Variants in PSMA1 observed in about 807,000 individuals in gnomAD.
The protein encoded by PSMA1 is proteasome 20S subunit alpha 1.
PSMA1 carries 3 observed loss-of-function variants against 38.4 expected under a neutral mutation model. That is an observed-to-expected ratio of 0.08 (90% CI 0.04 to 0.20). The LOEUF is 0.20. PSMA1 is among the 10% of genes least tolerant of loss of function. The pLI, the probability that PSMA1 is intolerant of heterozygous loss-of-function variation, is 1.00. For synonymous variants in PSMA1, 101 were observed against 107.1 expected (o/e 0.94, Z 0.35); for missense variants, 227 against 325.3 (o/e 0.70, Z 2.32).
In PSMA1 at chr11:14,634,196, C is replaced by G. The variant is rs193121060; in HGVS notation, c.-166+9259G>C. ...TAGTTTCATCCCAAAATCATCCCCC[C>G]CGGTCTGTGGAAAATTGTCTTCCAC... On this transcript the variant is annotated intron_variant, in intron 1 of 10. Transcript: ENST00000418988. Among the ~76,000 whole-genome samples, 623 of 152,298 alleles carry G rather than the reference C, an allele frequency of 4.1e-3. 2 individuals are homozygous for G. The highest frequency in any genetic ancestry group is 6.7e-3 in the Non-Finnish European group (456 of 68,012).
intron 2 of PSMA1, among the ~76,000 whole-genome samples, chr11:14,593,502 T>C (rs187612745): frequency 1.3e-4 from 20 of 152,114 alleles, no homozygotes; most frequent in African/African-American, 4.3e-4. Flanking sequence ...TCAAGGCATG[T>C]CACCTAACAT....
chr11:14,632,642 G>A (rs1333768618), intron 1 of PSMA1, among the ~76,000 whole-genome samples: 221 of 150,212 alleles, frequency 1.5e-3, no homozygotes, highest in Middle Eastern at 6.8e-3. Flanking sequence ...ACAATTATGT[G>A]TCTTGGAGTT....
rs1432238481 is a variant in PSMA1 at position 14,595,973 on chromosome 11, T to G, written c.21+14993A>C. Among the ~76,000 whole-genome samples, 3 of 152,246 alleles carry G rather than the reference T, an allele frequency of 2.0e-5. 1 individual carries two copies. The highest frequency in any genetic ancestry group is 4.8e-5 in the African/African-American group (2 of 41,468). On this transcript the variant is annotated intron_variant, in intron 2 of 10. Transcript: ENST00000418988. ...GCTTTCTATATATGGCTAGCCAGTT[T>G]TCCCAGCACCATTTATGAAATAGAG...
chr11:14,604,087 TGA>T (rs888083746), intron 2 of PSMA1, among the ~76,000 whole-genome samples: 1 of 152,228 alleles, frequency 6.6e-6, no homozygotes, highest in Non-Finnish European at 1.5e-5. Context: ...TCCAGTAAGC[TGA>T]GAGAGGTAGA....
At chr11:14,589,486 T>C (rs1590001391) in intron 2 of PSMA1, among the ~76,000 whole-genome samples, 1 of 151,362 alleles carries the variant, frequency 6.6e-6, no homozygotes, top group East Asian at 1.9e-4. Flanking sequence ...CAGTAGAAGG[T>C]GACTTACTGG....
chr11:14,619,210 A>AG (rs1292476689), intron 1 of PSMA1, among the ~76,000 whole-genome samples: 1 of 152,176 alleles, frequency 6.6e-6, no homozygotes, highest in Non-Finnish European at 1.5e-5. Context: ...GCACTTTGGG[A>AG]GGCGGAGGCA....
At chr11:14,596,147 G>C (rs957545366) in intron 2 of PSMA1, among the ~76,000 whole-genome samples, 19 of 152,024 alleles carry the variant, frequency 1.2e-4, no homozygotes, top group African/African-American at 2.9e-4. Context: ...GTTACTGTTG[G>C]CTTGTAGTAT....
chr11:14,618,951 T>C (rs1852807984), intron 1 of PSMA1, among the ~76,000 whole-genome samples: 1 of 152,196 alleles, frequency 6.6e-6, no homozygotes. Flanking sequence ...AATTCTTGGG[T>C]TGATATTTTT....
At chr11:14,603,732 T>G (rs1852611447) in intron 2 of PSMA1, among the ~76,000 whole-genome samples, 1 of 152,256 alleles carries the variant, frequency 6.6e-6, no homozygotes, top group African/African-American at 2.4e-5. Flanking sequence ...TTAAGCTGGT[T>G]GACTGTTTAA....
intron 2 of PSMA1, among the ~76,000 whole-genome samples, chr11:14,529,582 C>T (rs530709702): frequency 1.8e-4 from 27 of 152,304 alleles, no homozygotes; most frequent in Non-Finnish European, 3.1e-4. Flanking sequence ...ACATTCTTAA[C>T]TTGGCTACTA....
chr11:14,622,154 A>G (rs1262987374), intron 1 of PSMA1, among the ~76,000 whole-genome samples: 1 of 152,200 alleles, frequency 6.6e-6, no homozygotes, highest in Non-Finnish European at 1.5e-5. Flanking sequence ...AGTAGCCCCA[A>G]TTGCAGTTGC....
chr11:14,582,460 AAAC>A (rs61191715), intron 2 of PSMA1, among the ~76,000 whole-genome samples: 68,287 of 151,456 alleles, frequency 0.45, 15,390 homozygotes, highest in East Asian at 0.53. Context: ...AGCAAAAACA[AAAC>A]AACAACAACA....
At chr11:14,638,529 CTCTCTCTCTCTCTCTCTATATATATA>C (rs1445228090) in intron 1 of PSMA1, among the ~76,000 whole-genome samples, 64 of 26,628 alleles carry the variant, frequency 2.4e-3, no homozygotes, top group Non-Finnish European at 2.9e-3. Context: ...CTCTCTCTCT[CTCTCTCTCTCTCTCTCTATATATATA>C]TATATATATA....
At chr11:14,599,381 G>A (rs1007157370) in intron 2 of PSMA1, among the ~76,000 whole-genome samples, 25 of 152,170 alleles carry the variant, frequency 1.6e-4, no homozygotes, top group African/African-American at 5.3e-4. Flanking sequence ...ACACCAATCA[G>A]ACATAGATGT....
intron 1 of PSMA1, among the ~76,000 whole-genome samples, chr11:14,637,031 A>G (rs1178043101): frequency 1.3e-5 from 2 of 152,218 alleles, no homozygotes; most frequent in Non-Finnish European, 2.9e-5. Context: ...ATAAAAATTG[A>G]TCATGGCTTC....
intron 2 of PSMA1, among the ~76,000 whole-genome samples, chr11:14,593,599 T>C (rs1007163312): frequency 7.0e-5 from 8 of 114,048 alleles, no homozygotes; most frequent in African/African-American, 2.8e-4. Context: ...AAGAAAGTAA[T>C]AGAGGAGGAA....
chr11:14,536,536 A>C (rs1314066833), intron 2 of PSMA1, among the ~76,000 whole-genome samples: 1 of 151,894 alleles, frequency 6.6e-6, no homozygotes, highest in Non-Finnish European at 1.5e-5. Flanking sequence ...CCAAAAAACA[A>C]ACAAACAGAA....
chr11:14,566,374 G>C (rs1169781076), intron 2 of PSMA1, among the ~76,000 whole-genome samples: 1 of 152,150 alleles, frequency 6.6e-6, no homozygotes, highest in Non-Finnish European at 1.5e-5. Flanking sequence ...TATTCTGAGG[G>C]TAGAGCTAAT....
At chr11:14,554,322 A>G (rs1357892037) in intron 2 of PSMA1, among the ~76,000 whole-genome samples, 1 of 152,138 alleles carries the variant, frequency 6.6e-6, no homozygotes, top group African/African-American at 2.4e-5. Flanking sequence ...AGTTTGATGA[A>G]GTCTAATTTA....
Sources: allele counts gnomAD v4.1 joint callset (sites outside exome capture counted in the v4.1 genomes callset), GRCh38; gene constraint gnomAD v4.1.1; transcripts MANE v1.5; gene names NCBI Gene and HGNC (gene_info 2026-07-23, HGNC 2026-07-21).